RLN1: variants seen among roughly 807,000 people sequenced by gnomAD.
The protein encoded by RLN1 is relaxin 1.
RLN1 carries 4 observed loss-of-function variants against 7.2 expected under a neutral mutation model. The ratio of observed to expected loss-of-function variants is 0.56; its 90% CI spans 0.28 to 1.28. RLN1 has a LOEUF of 1.28. Ranked by LOEUF, RLN1 falls within the 50% of genes most tolerant of loss-of-function variation. The pLI is 0.11. For synonymous variants in RLN1, 105 were observed against 86.0 expected (o/e 1.22, Z -1.22); for missense variants, 293 against 221.1 (o/e 1.32, Z -2.06).
chr9:5,336,310 G>C (rs533364667), intron 1 of RLN1, among the ~76,000 whole-genome samples: 10 of 152,210 alleles, frequency 6.6e-5, no homozygotes, highest in African/African-American at 2.2e-4. Flanking sequence ...TGGTGTAAGT[G>C]TACTGACTAA....
intron 1 of RLN1, 140 bp downstream of exon 1, chr9:5,339,396 G>T: frequency 1.7e-6 from 1 of 590,362 alleles, no homozygotes; most frequent in Non-Finnish European, 2.9e-6. Flanking sequence ...TTAGGGACCA[G>T]CCACGGCTGA....
upstream of RLN1, among the ~76,000 whole-genome samples, chr9:5,340,890 A>G (rs117367979): frequency 0.011 from 1,747 of 152,314 alleles, 34 homozygotes; most frequent in East Asian, 0.038. Flanking sequence ...GCAGGACGTT[A>G]TGGTAGCTTT....
At chr9:5,336,117 C>G (rs747139881) in intron 1 of RLN1, among the ~76,000 whole-genome samples, 1 of 151,954 alleles carries the variant, frequency 6.6e-6, no homozygotes, top group Non-Finnish European at 1.5e-5. Context: ...GGCAGCATTT[C>G]CAACACCTGT....
At chr9:5,339,201 G>A in intron 1 of RLN1, 2 of 203,702 alleles carry the variant, frequency 9.8e-6, no homozygotes, top group African/African-American at 3.6e-4. Context: ...GGGTCTCCGG[G>A]CGGCGTCACC....
At chr9:5,337,099 T>A (rs1483072495) in intron 1 of RLN1, among the ~76,000 whole-genome samples, 13 of 152,092 alleles carry the variant, frequency 8.5e-5, no homozygotes, top group Non-Finnish European at 1.5e-5. Context: ...AGAATTTATA[T>A]CATTTTTGGT....
Position 5,339,659 on chromosome 9 carries a change from C to G in RLN1, c.88G>C (p.Asp30His). 6.2e-7 allele frequency: 1 copy of G among 1,613,034 alleles called. No individual in the cohort carries two copies. Among genetic ancestry groups the G allele is most frequent in the Non-Finnish European group, 8.5e-7 (1 of 1,180,030 alleles). ...TCGCGGCCGCATAATTTAATAACAT[C>G]GTCCTTCCATTTGGCCGCGACTGCT... ...SRAVAAKWKD[D>H]VIKLCGRELV... The change falls in exon 1 of 2, where the codon GAT becomes CAT. Residue 30 changes from aspartate (D) to histidine (H), a missense_variant. By Grantham distance (81) the Asp-to-His change is moderately conservative. Coordinates refer to ENST00000223862, the MANE Select transcript of RLN1 (RefSeq NM_006911.4).
At chr9:5,336,142 G>C (rs1291784061) in intron 1 of RLN1, among the ~76,000 whole-genome samples, 1 of 151,992 alleles carries the variant, frequency 6.6e-6, no homozygotes, top group Non-Finnish European at 1.5e-5. Context: ...TAATCAGCAG[G>C]AGAAGGAAAT....
chr9:5,335,545 C>A lies in RLN1; in HGVS notation c.264G>T (p.Leu88Phe), dbSNP rs187806353. Residue 88 changes from leucine to phenylalanine, a missense_variant, in exon 2 of 2, where the codon TTG becomes TTT. Coordinates refer to ENST00000223862, the MANE Select transcript of RLN1 (RefSeq NM_006911.4). Reference protein sequence around the residue: ...NKDTETIIIMLEFIANLPPEL... With the variant: ...NKDTETIIIMFEFIANLPPEL... ...CCGGTGGCAAATTAGCAATGAATTC[C>A]AACATGATAATTATAGTTTCTGTAT... 10 of 1,611,970 alleles carry A rather than the reference C, an allele frequency of 6.2e-6. No individual in the cohort carries two copies. In the East Asian group the frequency reaches 2.2e-4, roughly 36 times the overall value.
intron 1 of RLN1, 101 bp from the exon 2 acceptor site, chr9:5,335,698 G>A: frequency 1.4e-6 from 1 of 698,922 alleles, no homozygotes; most frequent in Non-Finnish European, 2.4e-6. Context: ...AGAAAGCATT[G>A]CCTCAATATA....
chr9:5,337,420 A>C (rs1322957137), intron 1 of RLN1, among the ~76,000 whole-genome samples: 1 of 152,060 alleles, frequency 6.6e-6, no homozygotes, highest in East Asian at 1.9e-4. Context: ...GGCTCAGAGA[A>C]AATATTCTGT....
chr9:5,340,011 T>C, upstream of RLN1: 3 of 497,090 alleles, frequency 6.0e-6, no homozygotes, highest in Non-Finnish European at 1.1e-5. Flanking sequence ...CATTCCTCTG[T>C]CCTTGGCCCT....
chr9:5,334,981 G>A lies in RLN1; in HGVS notation c.*270C>T, dbSNP rs1816856261. ...ATTATGTATGGTTAAAGTGGCAAAG[G>A]TTTTATTGTAATTTTAAGTTAACAG... is the stretch of plus-strand genomic sequence containing the variant. On this transcript the variant is annotated 3_prime_UTR_variant, in exon 2 of 2. Transcript: ENST00000223862. The A allele has an allele frequency of 9.4e-6, 3 of 317,916 alleles. No homozygotes were observed. Among genetic ancestry groups the A allele is most frequent in the African/African-American group, 6.5e-5 (3 of 46,200 alleles). The allele number at this position is 317,916 out of a possible 1,614,324, so 19.7% of individuals were successfully genotyped here. A position where few individuals can be genotyped will look rare whatever the true frequency, so the allele number is the denominator to read the frequency against.
intron 1 of RLN1, among the ~76,000 whole-genome samples, chr9:5,336,960 T>G (rs1156999948): frequency 6.6e-6 from 1 of 151,886 alleles, no homozygotes; most frequent in Non-Finnish European, 1.5e-5. Flanking sequence ...AACAACAAAC[T>G]TCAACAGTTG....
Position 5,335,046 on chromosome 9 carries a change from G to C in RLN1, c.*205C>G. 1 of 460,736 alleles carries C rather than the reference G, an allele frequency of 2.2e-6. No homozygotes were observed. Among genetic ancestry groups the C allele is most frequent in the Non-Finnish European group, 3.8e-6 (1 of 264,802 alleles). The allele number at this position is 460,736 out of a possible 1,614,324, so 28.5% of individuals were successfully genotyped here. A position where few individuals can be genotyped will look rare whatever the true frequency, so the allele number is the denominator to read the frequency against. On this transcript the variant is annotated 3_prime_UTR_variant, in exon 2 of 2. Transcript: ENST00000223862. ...AACACAATTATACTGTTAATAAAAAGACAAAAAGACTTCAGCATAGAAAGT... is the reference window on the plus strand; with the variant it reads ...AACACAATTATACTGTTAATAAAAACACAAAAAGACTTCAGCATAGAAAGT...
In RLN1 at chr9:5,335,061, G is replaced by A. The variant is rs1371142783; in HGVS notation, c.*190C>T. The A allele has an allele frequency of 6.2e-6, 3 of 486,646 alleles. No individual in the cohort carries two copies. Among genetic ancestry groups the A allele is most frequent in the Non-Finnish European group, 1.1e-5 (3 of 279,742 alleles). The allele number at this position is 486,646 out of a possible 1,614,324, so 30.1% of individuals were successfully genotyped here. ...TTAATAAAAAGACAAAAAGACTTCA[G>A]CATAGAAAGTGTCATTTACAGAAAC... On this transcript the variant is annotated 3_prime_UTR_variant, in exon 2 of 2. Coordinates refer to ENST00000223862, the MANE Select transcript of RLN1 (RefSeq NM_006911.4).
In RLN1 at chr9:5,335,479, T is replaced by G; in HGVS notation, c.330A>C (p.Pro110=). 1 of 1,613,362 alleles carries G rather than the reference T, an allele frequency of 6.2e-7. No individual in the cohort carries two copies. The highest frequency in any genetic ancestry group is 8.5e-7 in the Non-Finnish European group (1 of 1,179,450). ...AALSERQPSL[P]ELQQYVPALK... is the part of the protein sequence containing the mutation. ...ATGCAGGTACATACTGCTGTAGCTCTGGTAATGATGGTTGCCTCTCAGATA... is the reference window on the plus strand; with the variant it reads ...ATGCAGGTACATACTGCTGTAGCTCGGGTAATGATGGTTGCCTCTCAGATA... Residue 110 remains proline (P), a synonymous_variant, in exon 2 of 2, where the codon CCA becomes CCC. Coordinates refer to ENST00000223862, the MANE Select transcript of RLN1 (RefSeq NM_006911.4).
rs535795836 is a variant in RLN1 at position 5,335,234 on chromosome 9, G to A, written c.*17C>T. 14 of 1,490,002 alleles carry A rather than the reference G, an allele frequency of 9.4e-6. No individual in the cohort carries two copies. Among genetic ancestry groups the A allele is most frequent in the South Asian group, 2.6e-5 (2 of 78,226 alleles). The allele number at this position is 1,490,002 out of a possible 1,614,324, so 92.3% of individuals were successfully genotyped here. Reference sequence around the variant, plus strand: ...TATGTGTGAAAATTAGACAAGATGTGCACAATTAGCTTCATCTCAGCAATA... The same window carrying A: ...TATGTGTGAAAATTAGACAAGATGTACACAATTAGCTTCATCTCAGCAATA... On this transcript the variant is annotated 3_prime_UTR_variant, in exon 2 of 2. Transcript: ENST00000223862.
chr9:5,336,565 T>C (rs1241711699), intron 1 of RLN1, among the ~76,000 whole-genome samples: 1 of 152,074 alleles, frequency 6.6e-6, no homozygotes, highest in East Asian at 1.9e-4. Context: ...AAGATATAAA[T>C]TTTTAAAAAT....
At chr9:5,340,056 G>A (rs1282155427), upstream of RLN1, among the ~76,000 whole-genome samples, 3 of 152,078 alleles carry the variant, frequency 2.0e-5, no homozygotes, top group African/African-American at 7.2e-5. Context: ...TTGTTACCCT[G>A]AAACAACTTT....
Sources: gnomAD v4.1 joint callset for allele counts (sites outside exome capture counted in the v4.1 genomes callset) on GRCh38, gnomAD v4.1.1 for gene constraint, MANE v1.5 for transcripts, NCBI Gene and HGNC (gene_info 2026-07-23, HGNC 2026-07-21) for gene names.